TMC1: variants seen among roughly 807,000 people sequenced by gnomAD.
The protein encoded by TMC1 is transmembrane channel-like protein 1.
A neutral mutation model predicts 105.8 loss-of-function variants in TMC1; 84 were observed. The observed-to-expected ratio is 0.79, with a 90% confidence interval of 0.67 to 0.95. The LOEUF is 0.95. Ranked by LOEUF, TMC1 falls within the 40% of genes least tolerant of loss-of-function variation. TMC1 has a pLI of 0.00. For synonymous variants in TMC1, 315 were observed against 311.5 expected, an observed-to-expected ratio of 1.01 and a Z score of -0.12; for missense variants, 817 against 914.1, an observed-to-expected ratio of 0.89 and a Z score of 1.37.
intron 3 of TMC1, among the ~76,000 whole-genome samples, chr9:72,617,936 TG>T (rs1310825315): frequency 6.7e-6 from 1 of 150,242 alleles, no homozygotes; most frequent in Admixed American, 6.7e-5. Flanking sequence ...TGTGTGTGTG[TG>T]TGTGTGTGTG....
intron 11 of TMC1, 36 bp downstream of exon 11, chr9:72,751,992 A>C (rs750228353): frequency 7.6e-7 from 1 of 1,309,872 alleles, no homozygotes; most frequent in Non-Finnish European, 1.1e-6. Flanking sequence ...AACATGCTGA[A>C]AAATGTTTCT....
At chr9:72,561,235 G>A (rs1423862813) in intron 1 of TMC1, among the ~76,000 whole-genome samples, 4 of 148,746 alleles carry the variant, frequency 2.7e-5, no homozygotes, top group Admixed American at 6.8e-5. Context: ...GCAGAATGGC[G>A]TGAACCCGGG....
intron 2 of TMC1, among the ~76,000 whole-genome samples, chr9:72,611,749 G>A (rs1484713125): frequency 6.6e-6 from 1 of 152,206 alleles, no homozygotes; most frequent in East Asian, 1.9e-4. Flanking sequence ...AAAGCCAGAA[G>A]AAGGTCTTGG....
chr9:72,533,432 G>T (rs1409451693), intron 1 of TMC1, among the ~76,000 whole-genome samples: 10 of 152,144 alleles, frequency 6.6e-5, no homozygotes, highest in Non-Finnish European at 1.3e-4. Context: ...AAAGACTACT[G>T]CTTCTCTTCC....
chr9:72,659,108 A>T (rs1825930393), intron 5 of TMC1, among the ~76,000 whole-genome samples: 1 of 152,156 alleles, frequency 6.6e-6, no homozygotes, highest in Non-Finnish European at 1.5e-5. Context: ...TCACTTCCGC[A>T]CTTAGGTCTC....
At chr9:72,657,888 TA>T (rs1334125356) in intron 5 of TMC1, among the ~76,000 whole-genome samples, 1 of 152,208 alleles carries the variant, frequency 6.6e-6, no homozygotes, top group East Asian at 1.9e-4. Flanking sequence ...GTCTATAGTT[TA>T]ACAATTGTTT....
At chr9:72,813,478 AT>A (rs1203264323) in intron 18 of TMC1, among the ~76,000 whole-genome samples, 2 of 152,168 alleles carry the variant, frequency 1.3e-5, no homozygotes, top group Non-Finnish European at 2.9e-5. Context: ...CCAATAACGT[AT>A]TTTTAGACTA....
chr9:72,523,432 A>G (rs1267746904), intron 1 of TMC1, among the ~76,000 whole-genome samples: 2 of 152,242 alleles, frequency 1.3e-5, no homozygotes, highest in African/African-American at 4.8e-5. Flanking sequence ...CCAATAACAT[A>G]AACAGTTTAT....
At chr9:72,762,412 C>T (rs1173155391) in intron 12 of TMC1, among the ~76,000 whole-genome samples, 1 of 152,168 alleles carries the variant, frequency 6.6e-6, no homozygotes, top group African/African-American at 2.4e-5. Context: ...TGTGACTGGG[C>T]TCCTCCACTT....
At chr9:72,823,207 T>G (rs1313085702) in intron 20 of TMC1, among the ~76,000 whole-genome samples, 1 of 152,122 alleles carries the variant, frequency 6.6e-6, no homozygotes, top group Non-Finnish European at 1.5e-5. Flanking sequence ...TTTCCTCACT[T>G]TAGAGCCAAA....
rs147648988 is a variant in TMC1 at position 72,710,753 on chromosome 9, T to C, written c.362+10110T>C. 2.0e-3 allele frequency among the ~76,000 whole-genome samples: 310 copies of C among 152,320 alleles called. 4 individuals are homozygous for C. Among genetic ancestry groups the C allele is most frequent in the African/African-American group, 7.1e-3 (297 of 41,566 alleles). On this transcript the variant is annotated intron_variant, in intron 8 of 23. Transcript: ENST00000297784. ...TGAGTCCTTATGTGTTAGTTGAGTC[T>C]CTTGAAGACAGCAGATACTTAGTTG...
intron 21 of TMC1, among the ~76,000 whole-genome samples, chr9:72,828,493 G>A (rs952758420): frequency 6.6e-6 from 1 of 152,050 alleles, no homozygotes; most frequent in Non-Finnish European, 1.5e-5. Flanking sequence ...TAGGAGACAT[G>A]TTTATTTTTA....
At chr9:72,694,355 A>G (rs1440372139) in intron 6 of TMC1, among the ~76,000 whole-genome samples, 188 bp from the exon 7 acceptor site, 1 of 152,222 alleles carries the variant, frequency 6.6e-6, no homozygotes, top group East Asian at 1.9e-4. Flanking sequence ...GGAAATGGAA[A>G]TCTAGATACA....
At position 72,688,781 on chromosome 9, in the gene TMC1, A is replaced by T. The variant is rs774299542; in HGVS notation, c.64+25A>T. ...AGTAAGTGGTGATGGGCCACTTGGG[A>T]TACATTTCCTATGGAATACCAGTAA... On this transcript the variant is annotated intron_variant, in intron 6 of 23. Coordinates refer to ENST00000297784, the MANE Select transcript of TMC1 (RefSeq NM_138691.3). 3 of 1,588,668 alleles carry T rather than the reference A, an allele frequency of 1.9e-6. No homozygotes were observed. The Admixed American group carries it at 5.0e-5, about 27-fold the overall frequency.
At chr9:72,835,923 T>TG in intron 23 of TMC1, 28 bp from the exon 24 acceptor site, 1 of 1,533,114 alleles carries the variant, frequency 6.5e-7, no homozygotes, top group Non-Finnish European at 8.7e-7. Flanking sequence ...TTGTTTTTTT[T>TG]TTTTTTTTTT....
chr9:72,788,569 C>A, intron 14 of TMC1, 86 bp downstream of exon 14: 9 of 1,355,972 alleles, frequency 6.6e-6, no homozygotes, highest in Non-Finnish European at 9.5e-6. Flanking sequence ...AGTGCAGTAT[C>A]TTGACAATTT....
intron 8 of TMC1, among the ~76,000 whole-genome samples, chr9:72,724,825 A>G (rs1394793621): frequency 3.3e-5 from 5 of 152,180 alleles, no homozygotes; most frequent in Non-Finnish European, 5.9e-5. Flanking sequence ...GCTGTCAGTA[A>G]CAGTTGATTT....
At chr9:72,584,268 T>C (rs916369569) in intron 2 of TMC1, among the ~76,000 whole-genome samples, 5 of 44,796 alleles carry the variant, frequency 1.1e-4, no homozygotes, top group African/African-American at 1.1e-3. Flanking sequence ...ATGTCACTAC[T>C]TTTTTTTTTT....
chr9:72,615,794 C>A (rs60582632), intron 2 of TMC1, among the ~76,000 whole-genome samples: 2,075 of 150,720 alleles, frequency 0.014, 60 homozygotes, highest in African/African-American at 0.049. Context: ...CACTCAGTCG[C>A]TCGGGCTGGA....
Sources: allele counts gnomAD v4.1 joint callset (sites outside exome capture counted in the v4.1 genomes callset), GRCh38; gene constraint gnomAD v4.1.1; transcripts MANE v1.5; gene names NCBI Gene and HGNC (gene_info 2026-07-23, HGNC 2026-07-21).